Variants in LONRF3 observed in about 807,000 individuals in gnomAD.
LONRF3 encodes the protein LON peptidase N-terminal domain and ring finger 3.
In LONRF3, 19 loss-of-function variants were observed where a neutral mutation model predicts 51.7. The ratio of observed to expected loss-of-function variants is 0.37; its 90% CI spans 0.26 to 0.54. LONRF3 has a LOEUF of 0.54. LONRF3 is among the 20% of genes least tolerant of loss of function. The pLI, the probability that LONRF3 is intolerant of heterozygous loss-of-function variation, is 0.86. For missense variants in LONRF3, 521 were observed against 623.9 expected (o/e 0.84, Z 1.76); for synonymous variants, 265 against 257.8 (o/e 1.03, Z -0.27).
rs375596737 is a variant in LONRF3 at position 118,988,562 on chromosome X, T to C, written c.1060-846T>C. Among the ~76,000 whole-genome samples the C allele has an allele frequency of 7.2e-5, 8 of 110,971 alleles. No homozygotes were observed. In the East Asian group the frequency reaches 8.5e-4, roughly 12 times the overall value. On this transcript the variant is annotated intron_variant, in intron 3 of 10. Transcript: ENST00000371628. ...TCATTGTTTTCTCCCAGCTATATGC[T>C]CCCCTTTTTCACCTGTCTGCCAGTT...
chrX:119,001,375 T>C lies in LONRF3; in HGVS notation c.1416-4746T>C, dbSNP rs1032612245. On this transcript the variant is annotated intron_variant, in intron 5 of 10. Transcript: ENST00000371628. ...CTTGAGAGTCAGATCTGACCTGACA[T>C]CCCAAAGCCCTGCTACTTACCAGCT... is the stretch of plus-strand genomic sequence containing the variant. Among the ~76,000 whole-genome samples, 8 of 112,285 alleles carry C rather than the reference T, an allele frequency of 7.1e-5. No homozygotes were observed. The Admixed American group carries it at 7.5e-4, about 11-fold the overall frequency.
intron 2 of LONRF3, among the ~76,000 whole-genome samples, chrX:118,981,624 G>T (rs987389443): frequency 9.9e-5 from 11 of 111,221 alleles, no homozygotes; most frequent in African/African-American, 3.3e-4. Context: ...AACACCCTTG[G>T]TAAACACTGC....
intron 10 of LONRF3, among the ~76,000 whole-genome samples, chrX:119,016,570 A>G (rs1925478302): frequency 1.8e-5 from 2 of 110,863 alleles, no homozygotes; most frequent in African/African-American, 6.6e-5. Context: ...GATGGTCTCG[A>G]TCTCCTGACC....
rs748961098 is a variant in LONRF3, at chrX:118,984,711, G to A, written c.1059+1768G>A. 4.5e-5 allele frequency among the ~76,000 whole-genome samples: 5 copies of A among 112,199 alleles called. No individual in the cohort carries two copies. The Admixed American group carries it at 4.7e-4, about 11-fold the overall frequency. ...AACATAAATGCCAGATGATGCAAGC[G>A]AGTGTATGCCCGTGATGAGTGTTAC... On this transcript the variant is annotated intron_variant, in intron 3 of 10. Transcript: ENST00000371628.
chrX:118,994,407 A>AT (rs1923690445), intron 5 of LONRF3, among the ~76,000 whole-genome samples: 1 of 76,814 alleles, frequency 1.3e-5, no homozygotes, highest in Non-Finnish European at 2.4e-5. Context: ...AGACAAAACA[A>AT]ATTTTTTTTT....
chrX:118,982,023 C>T (rs981587741), intron 2 of LONRF3, among the ~76,000 whole-genome samples: 1 of 111,665 alleles, frequency 9.0e-6, no homozygotes, highest in Non-Finnish European at 1.9e-5. Flanking sequence ...GAGGGCAGCC[C>T]TCTCCCCCGC....
chrX:119,016,350 CTTT>C, intron 10 of LONRF3, among the ~76,000 whole-genome samples: 1 of 88,532 alleles, frequency 1.1e-5, no homozygotes. Context: ...TTCTTTCTTT[CTTT>C]TTTTTTTTTT....
intron 6 of LONRF3, among the ~76,000 whole-genome samples, 163 bp downstream of exon 6, chrX:119,006,398 CTTT>C (rs1042593971): frequency 2.3e-5 from 2 of 86,743 alleles, no homozygotes; most frequent in Admixed American, 1.3e-4. Context: ...CTCCTGTCTT[CTTT>C]TTTTTTTTTT....
rs1025836980 is a variant in LONRF3, at chrX:118,986,297, G to A, written c.1060-3111G>A. On this transcript the variant is annotated intron_variant, in intron 3 of 10. Coordinates refer to ENST00000371628, the MANE Select transcript of LONRF3 (RefSeq NM_001031855.3). ...AGGCAAAGGCCAGCATAGGGGAGGC[G>A]AGGTTGGGAGAAGAGGGAGGAAGCT... Among the ~76,000 whole-genome samples, 31 of 111,910 alleles carry A rather than the reference G, an allele frequency of 2.8e-4. 1 individual carries two copies. Among genetic ancestry groups the A allele is most frequent in the Non-Finnish European group, 9.4e-5 (5 of 53,178 alleles).
Position 118,982,961 on chromosome X carries a change from C to T in LONRF3, c.1059+18C>T. ...CCCAAAGAGTGAGTTGAAATGACAT[C>T]AGGTCCAGCTGCCTACTGGACCCTC... On this transcript the variant is annotated intron_variant, in intron 3 of 10. Transcript: ENST00000371628. 8.3e-7 allele frequency: 1 copy of T among 1,203,948 alleles called. No individual in the cohort carries two copies. The highest frequency in any genetic ancestry group is 1.8e-5 in the South Asian group (1 of 56,459).
At chrX:119,013,866 CAG>C (rs1569299193) in intron 9 of LONRF3, among the ~76,000 whole-genome samples, 1 of 112,055 alleles carries the variant, frequency 8.9e-6, no homozygotes, top group African/African-American at 3.2e-5. Flanking sequence ...AATGAGAAAA[CAG>C]ATGTAAAAAT....
intron 4 of LONRF3, 126 bp downstream of exon 4, chrX:118,989,798 A>G: frequency 2.8e-6 from 2 of 712,416 alleles, no homozygotes; most frequent in Non-Finnish European, 4.1e-6. Flanking sequence ...TCTGGCATTT[A>G]CTAGCTGTGT....
intron 3 of LONRF3, 86 bp from the exon 4 acceptor site, chrX:118,989,322 G>T: frequency 1.9e-6 from 2 of 1,079,284 alleles, no homozygotes; most frequent in Non-Finnish European, 2.5e-6. Flanking sequence ...GGACTCTATA[G>T]TTTCCCTTTG....
At chrX:118,992,906 C>T (rs980450255) in intron 5 of LONRF3, among the ~76,000 whole-genome samples, 1 of 110,911 alleles carries the variant, frequency 9.0e-6, no homozygotes, top group African/African-American at 3.3e-5. Flanking sequence ...GTGGCTAGAC[C>T]CAGAAGAGAG....
At chrX:119,017,175 G>A (rs1251168425) in intron 10 of LONRF3, among the ~76,000 whole-genome samples, 1 of 111,590 alleles carries the variant, frequency 9.0e-6, no homozygotes, top group African/African-American at 3.3e-5. Flanking sequence ...GAGAAAGGCT[G>A]ATCCTCACCA....
intron 1 of LONRF3, 141 bp downstream of exon 1, chrX:118,975,738 G>C: frequency 3.5e-6 from 1 of 287,574 alleles, no homozygotes; most frequent in East Asian, 9.0e-5. Flanking sequence ...CGGGGTGGGG[G>C]AGGGGTGATT....
Position 119,017,698 on chromosome X carries a change from A to G in LONRF3, c.*8A>G. 8.5e-7 allele frequency: 1 copy of G among 1,177,378 alleles called. No individual in the cohort carries two copies. Among genetic ancestry groups the G allele is most frequent in the Non-Finnish European group, 1.1e-6 (1 of 876,971 alleles). The stretch of plus-strand genomic sequence containing the variant: ...TCCCGAAACCAAAACTAGTGAGTGG[A>G]TTGCCGAAGAGGAGCTCCCACCTTC... On this transcript the variant is annotated 3_prime_UTR_variant, in exon 11 of 11. Transcript: ENST00000371628.
chrX:118,985,130 A>G (rs901832139), intron 3 of LONRF3, among the ~76,000 whole-genome samples: 1 of 112,274 alleles, frequency 8.9e-6, no homozygotes. Flanking sequence ...AGTAAAATGA[A>G]GAAGGGAACT....
Position 119,013,098 on chromosome X carries a change from G to A in LONRF3, c.1871G>A (p.Arg624His), listed in dbSNP as rs765811050. Residue 624 changes from arginine (R) to histidine (H), a missense_variant, in exon 9 of 11, where the codon CGC (arginine) becomes CAC (histidine). Around this residue, in one of 2 missense-constraint regions of LONRF3, gnomAD observed 145 missense variants for 247.2 expected, o/e 0.59. Coordinates refer to ENST00000371628, the MANE Select transcript of LONRF3 (RefSeq NM_001031855.3). Reference sequence around the variant, plus strand: ...AATGTTCAATTCTTTGCTGATGGCCGCTCAGTGGTTGACAGCATAGGCAAG... The same window carrying A: ...AATGTTCAATTCTTTGCTGATGGCCACTCAGTGGTTGACAGCATAGGCAAG... ...IRNVQFFADG[R>H]SVVDSIGKRR... 1 of 1,211,674 alleles carries A rather than the reference G, an allele frequency of 8.3e-7. No homozygotes were observed. Among genetic ancestry groups the A allele is most frequent in the Non-Finnish European group, 1.1e-6 (1 of 895,287 alleles).
Sources: allele counts gnomAD v4.1 joint callset (sites outside exome capture counted in the v4.1 genomes callset), GRCh38; gene constraint gnomAD v4.1.1; regional missense constraint gnomAD v4.1.1; transcripts MANE v1.5; gene names NCBI Gene and HGNC (gene_info 2026-07-23, HGNC 2026-07-21).